KLHL1: variants seen among roughly 807,000 people sequenced by gnomAD.
The protein encoded by KLHL1 is kelch-like protein 1.
In KLHL1, 47 loss-of-function variants were observed where a neutral mutation model predicts 77.7. That is an observed-to-expected ratio of 0.60 (90% CI 0.48 to 0.77). KLHL1 has a LOEUF of 0.77. Among genes scored for constraint, KLHL1 ranks in the 30% least tolerant of loss-of-function variants. The pLI is 0.00. For missense variants in KLHL1, 925 were observed against 910.8 expected (o/e 1.02, Z -0.20); for synonymous variants, 360 against 325.2 (o/e 1.11, Z -1.15).
chr13:70,006,019 C>A (rs919597876), intron 1 of KLHL1, among the ~76,000 whole-genome samples: 3 of 151,932 alleles, frequency 2.0e-5, no homozygotes, highest in Non-Finnish European at 2.9e-5. Flanking sequence ...CATTTTTCTT[C>A]TTTCCCTCAG....
chr13:70,035,011 G>A (rs1378202898), intron 1 of KLHL1, among the ~76,000 whole-genome samples: 1 of 151,868 alleles, frequency 6.6e-6, no homozygotes, highest in Non-Finnish European at 1.5e-5. Flanking sequence ...AATATTTGTG[G>A]TACTTATAGA....
intron 7 of KLHL1, among the ~76,000 whole-genome samples, chr13:69,750,844 A>T (rs972598791): frequency 6.6e-6 from 1 of 152,058 alleles, no homozygotes; most frequent in Non-Finnish European, 1.5e-5. Context: ...AATAGTGATT[A>T]TCCATCGTGG....
chr13:70,085,455 T>C (rs2137435094), intron 1 of KLHL1, among the ~76,000 whole-genome samples: 1 of 152,228 alleles, frequency 6.6e-6, no homozygotes, highest in East Asian at 1.9e-4. Flanking sequence ...CAAAGAAAAA[T>C]GAACAAAGAT....
chr13:69,882,478 A>G lies in KLHL1; in HGVS notation c.1032T>C (p.Val344=). ...GGAGTAAAAACTCTTGATTTCTGAT[A>G]ACTTCCATTATGTTTTCCTGCAGGG... ...HSYTMENIME[V]IRNQEFLLLP... Residue 344 remains valine (V), a synonymous_variant, in exon 5 of 11, where the codon GTT becomes GTC. Transcript: ENST00000377844. The G allele has an allele frequency of 6.2e-7, 1 of 1,612,614 alleles. No individual in the cohort carries two copies. Among genetic ancestry groups the G allele is most frequent in the Non-Finnish European group, 8.5e-7 (1 of 1,178,690 alleles).
Position 69,719,347 on chromosome 13 carries a change from AAC to A in KLHL1, c.2015+20_2015+21del. On this transcript the variant is annotated intron_variant, in intron 9 of 10. Coordinates refer to ENST00000377844, the MANE Select transcript of KLHL1 (RefSeq NM_020866.3). The stretch of plus-strand genomic sequence containing the variant: ...TGATTTGCACTGTCTCTTTCGCTGT[AAC>A]AGTGTCCTTGGGGTCTTACCTTTCT... 6.3e-7 allele frequency: 1 copy of A among 1,598,444 alleles called. No individual in the cohort carries two copies. The highest frequency in any genetic ancestry group is 8.6e-7 in the Non-Finnish European group (1 of 1,166,374).
rs972436581 is a variant in KLHL1 at position 69,816,278 on chromosome 13, T to C, written c.1415-19316A>G. On this transcript the variant is annotated intron_variant, in intron 6 of 10. Transcript: ENST00000377844. The stretch of plus-strand genomic sequence containing the variant: ...AAATTTTTTTTCTTTTTTTTTTTTT[T>C]TGGAGACAGTCTCCCTCTGTCACCC... 4.5e-3 allele frequency among the ~76,000 whole-genome samples: 678 copies of C among 151,364 alleles called. 5 individuals are homozygous for C. Among genetic ancestry groups the C allele is most frequent in the African/African-American group, 0.016 (655 of 41,360 alleles).
At chr13:69,853,892 C>T (rs892313455) in intron 5 of KLHL1, among the ~76,000 whole-genome samples, 6 of 152,062 alleles carry the variant, frequency 3.9e-5, no homozygotes, top group Admixed American at 2.6e-4. Flanking sequence ...CTTTGCTTAG[C>T]GTAAGGCTTA....
chr13:70,107,882 A>G lies in KLHL1; in HGVS notation c.-183T>C. On this transcript the variant is annotated 5_prime_UTR_variant, in exon 1 of 11. Transcript: ENST00000377844. ...AGGCGAAGGCTGGAGCGCAGACGGCAAAGCCGCGCGTTTCAGCCGTGGTCG... is the reference window on the plus strand; with the variant it reads ...AGGCGAAGGCTGGAGCGCAGACGGCGAAGCCGCGCGTTTCAGCCGTGGTCG... 1.8e-6 allele frequency: 1 copy of G among 544,578 alleles called. No individual in the cohort carries two copies. 33.7% of individuals were successfully genotyped at this position (544,578 alleles called of 1,614,324 possible). A position where few individuals can be genotyped will look rare whatever the true frequency, so the allele number is the denominator to read the frequency against.
rs149237646 is a variant in KLHL1 at position 70,080,361 on chromosome 13, A to G, written c.497+26842T>C. On this transcript the variant is annotated intron_variant, in intron 1 of 10. Transcript: ENST00000377844. ...CAAATGAAATCATAAATGCAGAAAA[A>G]TGTATGATAATTAGAGGAACGATCT... 2.7e-3 allele frequency among the ~76,000 whole-genome samples: 410 copies of G among 152,302 alleles called. 2 individuals are homozygous for G. The highest frequency in any genetic ancestry group is 8.5e-3 in the African/African-American group (355 of 41,554).
chr13:69,787,675 T>C lies in KLHL1; in HGVS notation c.1639+9063A>G, dbSNP rs1876631042. ...ATTGACAAATGGGATCTAATTAAAC[T>C]AAAGAGCTTCTGCACAGCAAAAGAA... On this transcript the variant is annotated intron_variant, in intron 7 of 10. Coordinates refer to ENST00000377844, the MANE Select transcript of KLHL1 (RefSeq NM_020866.3). 3.3e-5 allele frequency among the ~76,000 whole-genome samples: 5 copies of C among 152,160 alleles called. No homozygotes were observed. The South Asian group carries it at 1.0e-3, about 32-fold the overall frequency.
Position 69,785,140 on chromosome 13 carries a change from C to T in KLHL1, c.1639+11598G>A, listed in dbSNP as rs1390250375. ...ATCTCCTGACCTCGTGATCCGCCCGCCTTGGCCTCCCAAAGTGCTGGGATT... is the reference window on the plus strand; with the variant it reads ...ATCTCCTGACCTCGTGATCCGCCCGTCTTGGCCTCCCAAAGTGCTGGGATT... On this transcript the variant is annotated intron_variant, in intron 7 of 10. Coordinates refer to ENST00000377844, the MANE Select transcript of KLHL1 (RefSeq NM_020866.3). Among the ~76,000 whole-genome samples, 3 of 151,926 alleles carry T rather than the reference C, an allele frequency of 2.0e-5. No individual in the cohort carries two copies. The East Asian group carries it at 5.8e-4, about 29-fold the overall frequency.
At chr13:69,721,079 A>ATATATATATATATAC (rs1555300737) in intron 8 of KLHL1, among the ~76,000 whole-genome samples, 2 of 67,622 alleles carry the variant, frequency 3.0e-5, no homozygotes, top group African/African-American at 7.8e-5. Flanking sequence ...ATATATATAT[A>ATATATATATATATAC]AAGCTATGTA....
intron 7 of KLHL1, among the ~76,000 whole-genome samples, chr13:69,786,549 C>T (rs1329139809): frequency 2.6e-5 from 4 of 152,168 alleles, no homozygotes; most frequent in Non-Finnish European, 4.4e-5. Context: ...CAGCCAATAT[C>T]GTACTGAATG....
intron 1 of KLHL1, among the ~76,000 whole-genome samples, chr13:69,976,218 A>G (rs149774671): frequency 3.3e-5 from 5 of 152,186 alleles, no homozygotes; most frequent in African/African-American, 1.2e-4. Context: ...TTGAGATGTC[A>G]TAGTAAATGT....
At chr13:69,756,642 G>A (rs1874755198) in intron 7 of KLHL1, among the ~76,000 whole-genome samples, 1 of 152,116 alleles carries the variant, frequency 6.6e-6, no homozygotes. Flanking sequence ...AATTAACATG[G>A]TAAATTAAGT....
intron 1 of KLHL1, among the ~76,000 whole-genome samples, chr13:70,096,976 G>A (rs572547405): frequency 6.6e-6 from 1 of 151,968 alleles, no homozygotes; most frequent in African/African-American, 2.4e-5. Flanking sequence ...AGCTAGATTA[G>A]ATTCTGCTCC....
At chr13:70,064,023 T>G (rs909314466) in intron 1 of KLHL1, among the ~76,000 whole-genome samples, 5 of 152,072 alleles carry the variant, frequency 3.3e-5, no homozygotes, top group African/African-American at 1.2e-4. Flanking sequence ...GAAGTATAGG[T>G]TATAGAAAAT....
chr13:69,977,147 T>C (rs1884567939), intron 1 of KLHL1, among the ~76,000 whole-genome samples: 1 of 152,030 alleles, frequency 6.6e-6, no homozygotes, highest in Admixed American at 6.6e-5. Context: ...ACACAATGCC[T>C]GGCATTAAAG....
chr13:70,098,715 G>A (rs544662051), intron 1 of KLHL1, among the ~76,000 whole-genome samples: 3 of 151,752 alleles, frequency 2.0e-5, no homozygotes, highest in South Asian at 2.1e-4. Context: ...AGTGAAAATT[G>A]GATATAAGAA....
Sources: allele counts gnomAD v4.1 joint callset (sites outside exome capture counted in the v4.1 genomes callset), GRCh38; gene constraint gnomAD v4.1.1; transcripts MANE v1.5; gene names NCBI Gene and HGNC (gene_info 2026-07-23, HGNC 2026-07-21).